The following ANO6 variants were observed in gnomAD, a reference collection of about 807,000 sequenced individuals.
ANO6 encodes the protein anoctamin 6.
ANO6 carries 106 observed loss-of-function variants against 117.5 expected under a neutral mutation model. The ratio of observed to expected loss-of-function variants is 0.90; its 90% confidence interval spans 0.77 to 1.06. The LOEUF is 1.06. Among genes scored for constraint, ANO6 ranks in the 50% least tolerant of loss-of-function variants. The pLI is 0.00. For missense variants in ANO6, 955 were observed against 1,121.1 expected, an observed-to-expected ratio of 0.85 and a Z score of 2.12; for synonymous variants, 367 against 385.1, an observed-to-expected ratio of 0.95 and a Z score of 0.55.
intron 17 of ANO6, 83 bp downstream of exon 17, chr12:45,416,987 T>G: frequency 7.1e-7 from 1 of 1,404,226 alleles, no homozygotes; most frequent in East Asian, 2.4e-5. Flanking sequence ...TTTAGTGTTT[T>G]TTAAAATGAG....
At chr12:45,294,811 A>G (rs963065706) in intron 1 of ANO6, among the ~76,000 whole-genome samples, 2 of 152,248 alleles carry the variant, frequency 1.3e-5, no homozygotes, top group African/African-American at 2.4e-5. Context: ...TTATTTTAAT[A>G]TTTAAAAAGG....
chr12:45,391,854 G>A (rs1942460670), intron 12 of ANO6, among the ~76,000 whole-genome samples: 1 of 152,114 alleles, frequency 6.6e-6, no homozygotes, highest in South Asian at 2.1e-4. Flanking sequence ...GTGAGACTCT[G>A]TCTCAAAAAA....
intron 1 of ANO6, among the ~76,000 whole-genome samples, chr12:45,229,994 C>T (rs1199927685): frequency 1.3e-5 from 2 of 151,804 alleles, no homozygotes; most frequent in Non-Finnish European, 2.9e-5. Context: ...ACAGTGAAAG[C>T]CTTCCAATAA....
chr12:45,357,374 AG>A lies in ANO6; in HGVS notation c.949del (p.Val317TrpfsTer30). 1 of 1,613,976 alleles carries A rather than the reference AG, an allele frequency of 6.2e-7. No individual in the cohort carries two copies. On this transcript the variant is annotated frameshift_variant, in exon 8 of 20. Coordinates refer to ENST00000320560, the MANE Select transcript of ANO6 (RefSeq NM_001025356.3). LOFTEE classifies it high-confidence loss of function. ...QMLLLAAVVG[V>X]ACFLYGYLNQ... Reference sequence around the variant, plus strand: ...TGCTTCTCCTGGCCGCAGTTGTAGGAGTGGCTTGCTTTCTCTATGGATATCT... The same window carrying A: ...TGCTTCTCCTGGCCGCAGTTGTAGGATGGCTTGCTTTCTCTATGGATATCT...
chr12:45,353,436 A>G (rs922472644), intron 7 of ANO6, among the ~76,000 whole-genome samples: 2 of 152,190 alleles, frequency 1.3e-5, no homozygotes, highest in Non-Finnish European at 2.9e-5. Context: ...TAACAGAGTG[A>G]TGGGTTCTTA....
chr12:45,364,639 A>G (rs959706494), intron 8 of ANO6, among the ~76,000 whole-genome samples: 1 of 152,062 alleles, frequency 6.6e-6, no homozygotes, highest in Non-Finnish European at 1.5e-5. Flanking sequence ...GGTTCTTTTT[A>G]ATAATTCCTA....
At chr12:45,240,178 A>G (rs966564737) in intron 1 of ANO6, among the ~76,000 whole-genome samples, 17 of 151,870 alleles carry the variant, frequency 1.1e-4, no homozygotes, top group African/African-American at 3.6e-4. Context: ...GTAGGTCTCC[A>G]AGGACTTGCT....
At chr12:45,286,354 C>A (rs1036995082) in intron 1 of ANO6, among the ~76,000 whole-genome samples, 1 of 151,946 alleles carries the variant, frequency 6.6e-6, no homozygotes, top group Non-Finnish European at 1.5e-5. Flanking sequence ...AAAATAATAC[C>A]CTGAACTAAT....
At chr12:45,414,284 C>T (rs537396224) in intron 16 of ANO6, among the ~76,000 whole-genome samples, 57 of 151,624 alleles carry the variant, frequency 3.8e-4, no homozygotes, top group Admixed American at 3.6e-3. Context: ...GGGTGTTTTG[C>T]GTTGACTTTT....
intron 8 of ANO6, among the ~76,000 whole-genome samples, chr12:45,364,568 C>T (rs1941636883): frequency 6.6e-6 from 1 of 152,118 alleles, no homozygotes; most frequent in Admixed American, 6.6e-5. Context: ...TCTGCTATTT[C>T]ATATCTGCCG....
At chr12:45,422,282 A>G (rs1301857268) in intron 18 of ANO6, among the ~76,000 whole-genome samples, 5 of 152,212 alleles carry the variant, frequency 3.3e-5, no homozygotes, top group Non-Finnish European at 7.3e-5. Flanking sequence ...AGAGTCCCAT[A>G]GCTGAGTGAA....
chr12:45,424,398 C>A (rs10880781), intron 19 of ANO6, among the ~76,000 whole-genome samples: 4 of 135,334 alleles, frequency 3.0e-5, no homozygotes, highest in Non-Finnish European at 4.6e-5. Context: ...GAGTATGATG[C>A]CATGATCTTA....
At chr12:45,408,608 CTTA>C (rs1943005275) in intron 15 of ANO6, among the ~76,000 whole-genome samples, 1 of 152,160 alleles carries the variant, frequency 6.6e-6, no homozygotes, top group African/African-American at 2.4e-5. Flanking sequence ...TCCTCTGGTC[CTTA>C]AATGATTCAG....
intron 18 of ANO6, 120 bp from the exon 19 acceptor site, chr12:45,422,837 G>C: frequency 1.3e-6 from 1 of 784,314 alleles, no homozygotes; most frequent in Non-Finnish European, 2.3e-6. Context: ...GCCTCCCAAA[G>C]TGCTAGGATT....
chr12:45,221,138 G>A (rs1290252505), intron 1 of ANO6, among the ~76,000 whole-genome samples: 2 of 152,192 alleles, frequency 1.3e-5, no homozygotes, highest in African/African-American at 2.4e-5. Flanking sequence ...TCCGAATTGA[G>A]TTGATTTAGA....
At chr12:45,285,849 C>A (rs1250743188) in intron 1 of ANO6, among the ~76,000 whole-genome samples, 2 of 152,160 alleles carry the variant, frequency 1.3e-5, no homozygotes, top group Non-Finnish European at 2.9e-5. Context: ...GAGATCAGCA[C>A]CCTGTGGCAC....
At chr12:45,423,304 ACTT>A (rs1328910593) in intron 19 of ANO6, among the ~76,000 whole-genome samples, 1 of 152,196 alleles carries the variant, frequency 6.6e-6, no homozygotes, top group Non-Finnish European at 1.5e-5. Context: ...TTCATTACTA[ACTT>A]TTTAAAATGT....
Position 45,429,482 on chromosome 12 carries a change from A to C in ANO6, c.*171A>C, listed in dbSNP as rs763551112. The C allele has an allele frequency of 3.6e-4, 517 of 1,441,512 alleles. No individual in the cohort carries two copies. Among genetic ancestry groups the C allele is most frequent in the Non-Finnish European group, 4.5e-4 (499 of 1,103,048 alleles). 89.3% of individuals were successfully genotyped at this position (1,441,512 alleles called of 1,614,324 possible). ...CAGCTAGCGATGCAGAAACTGGAAA[A>C]TGTAAAACTTAGATCATGAAGGGCA... is the stretch of plus-strand genomic sequence containing the variant. On this transcript the variant is annotated 3_prime_UTR_variant, in exon 20 of 20. Transcript: ENST00000320560.
At position 45,429,764 on chromosome 12, in the gene ANO6, A is replaced by C; in HGVS notation, c.*453A>C. ...CTTACAGTACCATCATTATAGATTT[A>C]ATTTAATAGCTTTCATGTGATTAAA... On this transcript the variant is annotated 3_prime_UTR_variant, in exon 20 of 20. Transcript: ENST00000320560. 1 of 839,984 alleles carries C rather than the reference A, an allele frequency of 1.2e-6. No homozygotes were observed. The highest frequency in any genetic ancestry group is 1.4e-6 in the Non-Finnish European group (1 of 731,662). The allele number at this position is 839,984 out of a possible 1,614,324, so 52.0% of individuals were successfully genotyped here.
Sources: gnomAD v4.1 joint callset for allele counts (sites outside exome capture counted in the v4.1 genomes callset) on GRCh38, gnomAD v4.1.1 for gene constraint, MANE v1.5 for transcripts, NCBI Gene and HGNC (gene_info 2026-07-23, HGNC 2026-07-21) for gene names.